The following FBLN1 variants were observed in gnomAD, a reference collection of about 807,000 sequenced individuals.
The protein encoded by FBLN1 is fibulin-1.
FBLN1 carries 34 observed loss-of-function variants against 89.7 expected under a neutral mutation model. The observed-to-expected ratio is 0.38, with a 90% CI of 0.29 to 0.50. FBLN1 has a LOEUF of 0.50. Ranked by LOEUF, FBLN1 falls within the 20% of genes least tolerant of loss-of-function variation. FBLN1 has a pLI of 0.92. For missense variants in FBLN1, 777 were observed against 988.1 expected (o/e 0.79, Z 2.86); for synonymous variants, 393 against 391.3 (o/e 1.00, Z -0.05).
chr22:45,524,969 A>G (rs551018326), intron 2 of FBLN1, among the ~76,000 whole-genome samples: 1 of 152,274 alleles, frequency 6.6e-6, no homozygotes, highest in South Asian at 2.1e-4. Flanking sequence ...CTGTAGTCCC[A>G]GCTACTGGGG....
intron 14 of FBLN1, among the ~76,000 whole-genome samples, chr22:45,571,111 C>CAAA (rs542647353): frequency 2.3e-4 from 16 of 70,828 alleles, no homozygotes; most frequent in South Asian, 6.0e-4. Context: ...ACAAGAGTCT[C>CAAA]AAAAAAAAAA....
rs1466692217 is a variant in FBLN1, at chr22:45,548,757, G to A, written c.1573+13G>A. 2 of 1,612,254 alleles carry A rather than the reference G, an allele frequency of 1.2e-6. No homozygotes were observed. Among genetic ancestry groups the A allele is most frequent in the Non-Finnish European group, 1.7e-6 (2 of 1,179,994 alleles). On this transcript the variant is annotated intron_variant, in intron 13 of 16. Transcript: ENST00000327858. The stretch of plus-strand genomic sequence containing the variant: ...CGCAACTGCCAAGGTGAGCAGGAGG[G>A]ATGCCCTGGGGTCCCTCACGCTCTG...
In FBLN1 at chr22:45,550,341, C is replaced by A; in HGVS notation, c.1574-151C>A. On this transcript the variant is annotated intron_variant, in intron 13 of 16. Coordinates refer to ENST00000327858, the MANE Select transcript of FBLN1 (RefSeq NM_006486.3). The surrounding 1 kb of genome is among the most constrained non-coding windows in gnomAD (Gnocchi z 8.4). ...TATAAATGTAAGAACTGGCACAGGACGCTGCTCTGAAGATCAGCCAGTGGA... is the reference window on the plus strand; with the variant it reads ...TATAAATGTAAGAACTGGCACAGGAAGCTGCTCTGAAGATCAGCCAGTGGA... 2 of 979,730 alleles carry A rather than the reference C, an allele frequency of 2.0e-6. No homozygotes were observed. The highest frequency in any genetic ancestry group is 2.1e-4 in the Middle Eastern group (1 of 4,800). 60.7% of individuals were successfully genotyped at this position (979,730 alleles called of 1,614,324 possible).
At chr22:45,540,952 G>A (rs2088547744) in intron 8 of FBLN1, among the ~76,000 whole-genome samples, 1 of 152,266 alleles carries the variant, frequency 6.6e-6, no homozygotes, top group Non-Finnish European at 1.5e-5. Flanking sequence ...GGAGAAGCCA[G>A]GCAGGCAGGT....
intron 1 of FBLN1, among the ~76,000 whole-genome samples, chr22:45,506,562 G>C (rs1316904235): frequency 6.6e-6 from 1 of 152,230 alleles, no homozygotes; most frequent in South Asian, 2.1e-4. Flanking sequence ...TGCAAACTGG[G>C]AACCTAAGGA....
intron 1 of FBLN1, among the ~76,000 whole-genome samples, chr22:45,511,862 A>G (rs2088105997): frequency 1.3e-5 from 2 of 152,184 alleles, no homozygotes; most frequent in Non-Finnish European, 2.9e-5. Context: ...CCCTGGGAAC[A>G]TTCGAGTTGA....
At chr22:45,555,248 CATATATATATATATATAAAATGGA>C (rs71710583) in intron 14 of FBLN1, among the ~76,000 whole-genome samples, 65,494 of 134,870 alleles carry the variant, frequency 0.49, 16,768 homozygotes, top group Middle Eastern at 0.6. Context: ...ATGGAATATA[CATATATATATATATATAAAATGGA>C]ATATATATAT....
rs529870803 is a variant in FBLN1, at chr22:45,596,779, AATT to A, written c.1973-3525_1973-3523del. On this transcript the variant is annotated intron_variant, in intron 16 of 16. Coordinates refer to ENST00000327858, the MANE Select transcript of FBLN1 (RefSeq NM_006486.3). ...TGAACAAATATGGATATTTATATAT[AATT>A]ATATTTACATATAAATACACTTATG... is the stretch of plus-strand genomic sequence containing the variant. Among the ~76,000 whole-genome samples the A allele has an allele frequency of 2.6e-3, 383 of 146,150 alleles. 1 individual carries two copies. The highest frequency in any genetic ancestry group is 4.9e-3 in the Non-Finnish European group (330 of 67,044).
intron 14 of FBLN1, chr22:45,558,115 G>A (rs2088811351): frequency 1.4e-6 from 1 of 716,574 alleles, no homozygotes; most frequent in Admixed American, 2.0e-5. Flanking sequence ...GCAGGCTGGA[G>A]AAGAGAAGGC....
chr22:45,555,265 A>ATATATAT (rs1555957938), intron 14 of FBLN1, among the ~76,000 whole-genome samples: 1 of 32,216 alleles, frequency 3.1e-5, no homozygotes, highest in South Asian at 1.1e-3. Context: ...ATATATATAT[A>ATATATAT]AAATGGAATA....
rs1363204437 is a variant in FBLN1 at position 45,574,755 on chromosome 22, A to G, written c.1840+102A>G. The G allele has an allele frequency of 5.9e-6, 5 of 853,514 alleles. No individual in the cohort carries two copies. In the African/African-American group the frequency reaches 8.9e-5, roughly 15 times the overall value. The allele number at this position is 853,514 out of a possible 1,614,324, so 52.9% of individuals were successfully genotyped here. A position where few individuals can be genotyped will look rare whatever the true frequency, so the allele number is the denominator to read the frequency against. On this transcript the variant is annotated intron_variant, in intron 15 of 16. Coordinates refer to ENST00000327858, the MANE Select transcript of FBLN1 (RefSeq NM_006486.3). The surrounding 1 kb of genome is among the most constrained non-coding windows in gnomAD (Gnocchi z 4.1). ...AGTTGTTCCTTGTAAGATGTGGCCC[A>G]GGCTTTGAAATGCAGAACTTTCTTT...
intron 1 of FBLN1, among the ~76,000 whole-genome samples, chr22:45,509,089 C>T (rs1228087154): frequency 6.6e-6 from 1 of 152,122 alleles, no homozygotes; most frequent in Admixed American, 6.6e-5. Flanking sequence ...GTCCTGGGAC[C>T]CTCCAGCCTT....
In FBLN1 at chr22:45,541,281, C is replaced by T. The variant is rs937778415; in HGVS notation, c.975C>T (p.Cys325=). 3.7e-6 allele frequency: 6 copies of T among 1,614,228 alleles called. No individual in the cohort carries two copies. The Admixed American group carries it at 5.0e-5, about 13-fold the overall frequency. Residue 325 remains cysteine (C), a synonymous_variant, in exon 9 of 17, where the codon TGC becomes TGT. Coordinates refer to ENST00000327858, the MANE Select transcript of FBLN1 (RefSeq NM_006486.3). ...ISAPCPIGHT[C]INTEGSYTCQ... is the part of the protein sequence containing the mutation. ...CCCCGTGCCCTATCGGGCATACATG[C>T]ATCAACACAGAGGGCTCCTACACGT... is the stretch of plus-strand genomic sequence containing the variant.
chr22:45,595,633 A>G (rs1400532543), intron 16 of FBLN1, among the ~76,000 whole-genome samples: 2 of 152,282 alleles, frequency 1.3e-5, no homozygotes, highest in African/African-American at 4.8e-5. Context: ...GTATTTAGGG[A>G]CAATCATTTT....
rs2089030547 is a variant in FBLN1 at position 45,580,115 on chromosome 22, CTG to C, written c.1972+3010_1972+3011del. On this transcript the variant is annotated intron_variant, in intron 16 of 16. Coordinates refer to ENST00000327858, the MANE Select transcript of FBLN1 (RefSeq NM_006486.3). The surrounding 1 kb of genome is among the most constrained non-coding windows in gnomAD (Gnocchi z 8.6). Reference sequence around the variant, plus strand: ...AGCTGAGTTAAATGACCGCCTGAGACTGTGCAACTGAAAAACTGCAGGGCCTG... The same window carrying C: ...AGCTGAGTTAAATGACCGCCTGAGACTGCAACTGAAAAACTGCAGGGCCTG... Among the ~76,000 whole-genome samples, 1 of 152,166 alleles carries C rather than the reference CTG, an allele frequency of 6.6e-6. No individual in the cohort carries two copies. Among genetic ancestry groups the C allele is most frequent in the African/African-American group, 2.4e-5 (1 of 41,446 alleles).
intron 14 of FBLN1, among the ~76,000 whole-genome samples, chr22:45,554,902 G>A (rs1327214824): frequency 2.0e-5 from 3 of 152,202 alleles, no homozygotes; most frequent in Non-Finnish European, 2.9e-5. Flanking sequence ...AGATAATACC[G>A]ATCTCCATCC....
In FBLN1 at chr22:45,561,494, G is replaced by A. The variant is rs563899327; in HGVS notation, c.1697+10879G>A. 3.5e-4 allele frequency among the ~76,000 whole-genome samples: 54 copies of A among 152,270 alleles called. No individual in the cohort carries two copies. Among genetic ancestry groups the A allele is most frequent in the African/African-American group, 1.1e-3 (47 of 41,550 alleles). ...GCGATGAATCAGGAGTTTCAAATGC[G>A]TTTATTTTTCATAACTCTCTAAACA... On this transcript the variant is annotated intron_variant, in intron 14 of 16. Coordinates refer to ENST00000327858, the MANE Select transcript of FBLN1 (RefSeq NM_006486.3). This position sits in a 1 kb window ranked among gnomAD's most constrained non-coding sequence, Gnocchi z 4.7.
rs2088687401 is a variant in FBLN1, at chr22:45,550,495, T to C, written c.1577T>C (p.Ile526Thr). Residue 526 changes from isoleucine (I) to threonine (T), a missense_variant, in exon 14 of 17, where the codon ATT (isoleucine) becomes ACT (threonine). Coordinates refer to ENST00000327858, the MANE Select transcript of FBLN1 (RefSeq NM_006486.3). This position sits in a 1 kb window ranked among gnomAD's most constrained non-coding sequence, Gnocchi z 8.4. ...LAPNGRNCQD[I>T]DECVTGIHNC... ...GCTGCTGTGGGGTCTCTTGCAGACA[T>C]TGATGAGTGTGTGACTGGCATCCAC... 6.2e-7 allele frequency: 1 copy of C among 1,614,030 alleles called. No individual in the cohort carries two copies. Among genetic ancestry groups the C allele is most frequent in the East Asian group, 2.2e-5 (1 of 44,876 alleles).
Position 45,543,458 on chromosome 22 carries a change from C to T in FBLN1, c.1253C>T (p.Thr418Met), listed in dbSNP as rs369658081. ...CTGTGTGGCCACAAGTGCGAGAACA[C>T]GCTGGGCTCCTACCTCTGCAGCTGT... ...GRLCGHKCEN[T>M]LGSYLCSCSV... The change falls in exon 11 of 17, where the codon ACG (threonine) becomes ATG (methionine). Residue 418 changes from threonine (T) to methionine (M), a missense_variant. Transcript: ENST00000327858. The T allele has an allele frequency of 2.7e-5, 44 of 1,613,670 alleles. 2 individuals carry two copies. In the South Asian group the frequency reaches 3.0e-4, roughly 11 times the overall value.
Sources: allele counts gnomAD v4.1 joint callset (sites outside exome capture counted in the v4.1 genomes callset), GRCh38; gene constraint gnomAD v4.1.1; non-coding constraint Gnocchi (gnomAD v3.1); transcripts MANE v1.5; gene names NCBI Gene and HGNC (gene_info 2026-07-23, HGNC 2026-07-21).